Variants in SH3KBP1 observed in about 807,000 individuals in gnomAD.
SH3KBP1 encodes SH3 domain containing kinase binding protein 1.
Under a neutral mutation model 50.1 loss-of-function variants are expected in SH3KBP1, and 8 were observed. The observed-to-expected ratio is 0.16, with a 90% CI of 0.09 to 0.29. SH3KBP1 has a LOEUF of 0.29. Ranked by LOEUF, SH3KBP1 falls within the 10% of genes least tolerant of loss-of-function variation. The pLI is 1.00. For missense variants in SH3KBP1, 377 were observed against 535.2 expected, an observed-to-expected ratio of 0.70 and a Z score of 2.92; for synonymous variants, 227 against 218.6, an observed-to-expected ratio of 1.04 and a Z score of -0.34.
At chrX:19,694,941 C>T (rs1354552332) in intron 5 of SH3KBP1, 8 of 1,041,203 alleles carry the variant, frequency 7.7e-6, no homozygotes, top group Non-Finnish European at 1.1e-5. Context: ...AAGAGATACA[C>T]AGACGCCCAC....
intron 12 of SH3KBP1, among the ~76,000 whole-genome samples, chrX:19,573,476 A>G (rs1265921127): frequency 9.0e-6 from 1 of 110,685 alleles, no homozygotes; most frequent in African/African-American, 3.3e-5. Flanking sequence ...TAGTAGAGAC[A>G]GGGTTTCACC....
At chrX:19,790,498 C>T (rs917019768) in intron 2 of SH3KBP1, among the ~76,000 whole-genome samples, 3 of 111,724 alleles carry the variant, frequency 2.7e-5, no homozygotes, top group African/African-American at 6.5e-5. Context: ...AAAATACTTA[C>T]GTTCCAAACA....
At chrX:19,873,273 C>CATAT (rs767661962) in intron 1 of SH3KBP1, among the ~76,000 whole-genome samples, 3 of 78,617 alleles carry the variant, frequency 3.8e-5, no homozygotes, top group East Asian at 3.4e-4. Flanking sequence ...AAAACAAGGA[C>CATAT]ATATATATAT....
Position 19,652,191 on chromosome X carries a change from G to A in SH3KBP1, c.727-6716C>T, listed in dbSNP as rs1213378848. On this transcript the variant is annotated intron_variant, in intron 6 of 17. Transcript: ENST00000397821. ...ACCAGCTCTTTCCAACCTGGTTACT[G>A]GTGACAGCACATTTGTCTGGGATGT... Among the ~76,000 whole-genome samples, 5 of 111,516 alleles carry A rather than the reference G, an allele frequency of 4.5e-5. No homozygotes were observed. The Admixed American group carries it at 4.8e-4, about 11-fold the overall frequency.
intron 6 of SH3KBP1, among the ~76,000 whole-genome samples, chrX:19,649,697 T>A (rs1228319112): frequency 8.9e-6 from 1 of 111,957 alleles, no homozygotes; most frequent in African/African-American, 3.2e-5. Flanking sequence ...GGGAGTATCA[T>A]ATGTACTCCT....
chrX:19,613,556 G>A (rs986699956), intron 8 of SH3KBP1, among the ~76,000 whole-genome samples: 1 of 112,425 alleles, frequency 8.9e-6, no homozygotes, highest in Non-Finnish European at 1.9e-5. Flanking sequence ...CCTTAAAATG[G>A]CCAAAATGGT....
At chrX:19,790,114 CAA>C (rs780696109) in intron 2 of SH3KBP1, among the ~76,000 whole-genome samples, 12 of 59,835 alleles carry the variant, frequency 2.0e-4, no homozygotes, top group Admixed American at 2.1e-4. Context: ...CAGGCCGACT[CAA>C]AAAAAAAAAA....
intron 2 of SH3KBP1, among the ~76,000 whole-genome samples, chrX:19,827,890 AAAACAAACAAAC>A (rs373645610): frequency 0.025 from 2,500 of 101,246 alleles, 99 homozygotes; most frequent in African/African-American, 0.089. Context: ...GTTAAACAAA[AAAACAAACAAAC>A]AAACAAACAA....
intron 2 of SH3KBP1, among the ~76,000 whole-genome samples, chrX:19,826,697 T>C (rs946434083): frequency 1.0e-5 from 1 of 97,698 alleles, no homozygotes; most frequent in Non-Finnish European, 2.1e-5. Flanking sequence ...TAACATAACA[T>C]AACATAACAT....
intron 5 of SH3KBP1, chrX:19,695,176 A>T (rs760531719): frequency 7.7e-6 from 4 of 517,696 alleles, no homozygotes; most frequent in South Asian, 3.5e-5. Context: ...GCATGCACTC[A>T]TCTTGTCATA....
At chrX:19,880,814 T>G (rs1200502236) in intron 1 of SH3KBP1, among the ~76,000 whole-genome samples, 1 of 110,868 alleles carries the variant, frequency 9.0e-6, no homozygotes, top group Non-Finnish European at 1.9e-5. Flanking sequence ...GGTGGCTCGG[T>G]GAAAGATAGG....
At chrX:19,886,019 C>A (rs760548556) in intron 1 of SH3KBP1, among the ~76,000 whole-genome samples, 12 of 107,156 alleles carry the variant, frequency 1.1e-4, no homozygotes, top group African/African-American at 3.4e-4. Flanking sequence ...AATACTGCTA[C>A]GAAAAAAAAA....
chrX:19,773,097 C>T (rs912020910), intron 2 of SH3KBP1, among the ~76,000 whole-genome samples: 25 of 110,096 alleles, frequency 2.3e-4, no homozygotes, highest in African/African-American at 7.7e-4. Flanking sequence ...ATAGAGAATA[C>T]AGATAGGCAC....
chrX:19,692,859 T>C (rs749231881), intron 5 of SH3KBP1, among the ~76,000 whole-genome samples: 1 of 107,816 alleles, frequency 9.3e-6, no homozygotes, highest in Non-Finnish European at 1.9e-5. Context: ...ATTTTTGTTT[T>C]TTTGTTTTTA....
rs753599782 is a variant in SH3KBP1, at chrX:19,586,415, C to T, written c.1298+2228G>A. The stretch of plus-strand genomic sequence containing the variant: ...AGGGTGTGGCTTCAGTGATGTGCAA[C>T]CTTTGCTGCTCCACATCTTCCCCAT... On this transcript the variant is annotated intron_variant, in intron 12 of 17. Transcript: ENST00000397821. Among the ~76,000 whole-genome samples the T allele has an allele frequency of 2.7e-5, 3 of 112,428 alleles. No homozygotes were observed. In the East Asian group the frequency reaches 8.3e-4, roughly 31 times the overall value.
intron 2 of SH3KBP1, among the ~76,000 whole-genome samples, chrX:19,795,926 C>T (rs2066696386): frequency 8.9e-6 from 1 of 111,790 alleles, no homozygotes; most frequent in Non-Finnish European, 1.9e-5. Flanking sequence ...CCATGTAAAC[C>T]TCTATATAAA....
At chrX:19,832,135 T>C (rs1333861560) in intron 2 of SH3KBP1, among the ~76,000 whole-genome samples, 1 of 112,381 alleles carries the variant, frequency 8.9e-6, no homozygotes, top group Non-Finnish European at 1.9e-5. Context: ...CCACTCCTGC[T>C]ACATCCTTTC....
chrX:19,723,463 T>G (rs967169375), intron 3 of SH3KBP1, among the ~76,000 whole-genome samples: 8 of 112,292 alleles, frequency 7.1e-5, no homozygotes, highest in Non-Finnish European at 1.3e-4. Context: ...CTGAACAGTA[T>G]GATCCCATCT....
At chrX:19,588,056 G>A (rs1040684935) in intron 12 of SH3KBP1, among the ~76,000 whole-genome samples, 1 of 111,931 alleles carries the variant, frequency 8.9e-6, no homozygotes, top group Non-Finnish European at 1.9e-5. Context: ...GCCAGCTGGC[G>A]AATGAATTTG....
Sources: gnomAD v4.1 joint callset for allele counts (sites outside exome capture counted in the v4.1 genomes callset) on GRCh38, gnomAD v4.1.1 for gene constraint, MANE v1.5 for transcripts, NCBI Gene and HGNC (gene_info 2026-07-23, HGNC 2026-07-21) for gene names.